SPTLC2: variants seen among roughly 807,000 people sequenced by gnomAD.
The protein encoded by SPTLC2 is serine palmitoyltransferase long chain base subunit 2.
In SPTLC2, 21 loss-of-function variants were observed where a neutral mutation model predicts 62.0. The ratio of observed to expected loss-of-function variants is 0.34; its 90% confidence interval spans 0.24 to 0.49. The LOEUF is 0.49. Ranked by LOEUF, SPTLC2 falls within the 20% of genes least tolerant of loss-of-function variation. The pLI, the probability that SPTLC2 is intolerant of heterozygous loss-of-function variation, is 0.99. For missense variants in SPTLC2, 511 were observed against 713.0 expected, an observed-to-expected ratio of 0.72 and a Z score of 3.23; for synonymous variants, 261 against 261.8, an observed-to-expected ratio of 1.00 and a Z score of 0.03.
intron 2 of SPTLC2, among the ~76,000 whole-genome samples, chr14:77,579,760 ATC>A (rs1031824233): frequency 5.3e-5 from 8 of 152,156 alleles, no homozygotes; most frequent in Admixed American, 2.0e-4. Context: ...ACCCTGATGT[ATC>A]AGGAAAACAT....
At chr14:77,564,365 AAT>A (rs1170953943) in intron 5 of SPTLC2, among the ~76,000 whole-genome samples, 7 of 150,480 alleles carry the variant, frequency 4.7e-5, no homozygotes, top group Non-Finnish European at 4.4e-5. Context: ...CGGCAGTATC[AAT>A]AGACTCCTGG....
chr14:77,550,985 G>A (rs557768528), intron 9 of SPTLC2, among the ~76,000 whole-genome samples: 6 of 151,156 alleles, frequency 4.0e-5, no homozygotes, highest in Non-Finnish European at 8.8e-5. Flanking sequence ...CACTTTATTC[G>A]ATGCAAGCCA....
intron 9 of SPTLC2, among the ~76,000 whole-genome samples, chr14:77,544,666 T>C (rs2079518620): frequency 6.6e-6 from 1 of 152,200 alleles, no homozygotes; most frequent in South Asian, 2.1e-4. Flanking sequence ...AATGAGGTCA[T>C]TCTGAACCTG....
intron 5 of SPTLC2, 144 bp downstream of exon 5, chr14:77,570,240 A>AAT: frequency 1.9e-6 from 2 of 1,074,534 alleles, no homozygotes; most frequent in Non-Finnish European, 2.6e-6. Flanking sequence ...AAAAAAAAAA[A>AAT]GAAAAACAAT....
intron 11 of SPTLC2, among the ~76,000 whole-genome samples, chr14:77,515,642 C>A (rs2079355246): frequency 6.7e-6 from 1 of 150,350 alleles, no homozygotes. Context: ...CTCCGCCTCC[C>A]AGATTCAAGT....
At chr14:77,531,497 C>T (rs1594973689) in intron 9 of SPTLC2, among the ~76,000 whole-genome samples, 1 of 108,440 alleles carries the variant, frequency 9.2e-6, no homozygotes, top group South Asian at 3.7e-4. Flanking sequence ...TCCTCCTCCT[C>T]CTCCTCCTCC....
chr14:77,610,283 A>G (rs974006875), intron 1 of SPTLC2, among the ~76,000 whole-genome samples: 2 of 152,084 alleles, frequency 1.3e-5, no homozygotes, highest in Non-Finnish European at 1.5e-5. Context: ...CTGGGATTAT[A>G]GGCACACACC....
rs188274590 is a variant in SPTLC2 at position 77,521,759 on chromosome 14, T to C, written c.1304-178A>G. ...GAATATAAATGTAAAATGTCTCATT[T>C]TGTATTCTGTCATTCTACCTGTTAA... is the stretch of plus-strand genomic sequence containing the variant. On this transcript the variant is annotated intron_variant, in intron 9 of 11. Coordinates refer to ENST00000216484, the MANE Select transcript of SPTLC2 (RefSeq NM_004863.4). 9.7e-4 allele frequency: 639 copies of C among 661,230 alleles called. 1 individual carries two copies. Among genetic ancestry groups the C allele is most frequent in the Admixed American group, 1.5e-3 (62 of 40,526 alleles). The allele number at this position is 661,230 out of a possible 1,614,324, so 41.0% of individuals were successfully genotyped here.
rs116670813 is a variant in SPTLC2 at position 77,556,958 on chromosome 14, T to C, written c.956+83A>G. On this transcript the variant is annotated intron_variant, in intron 7 of 11. Coordinates refer to ENST00000216484, the MANE Select transcript of SPTLC2 (RefSeq NM_004863.4). ...TGTCTCCTTAGTTTCCAGAGGGGGA[T>C]AGACTAATGTTCCCTTCAGTTAAAA... 1.6e-3 allele frequency: 1,755 copies of C among 1,077,622 alleles called. 15 individuals are homozygous for C. In the African/African-American group the frequency reaches 0.023, roughly 14 times the overall value. The allele number at this position is 1,077,622 out of a possible 1,614,324, so 66.8% of individuals were successfully genotyped here.
chr14:77,531,349 G>A (rs140787165), intron 9 of SPTLC2, among the ~76,000 whole-genome samples: 1 of 152,132 alleles, frequency 6.6e-6, no homozygotes, highest in Non-Finnish European at 1.5e-5. Flanking sequence ...TTCTCAGGAA[G>A]ATGGTACTCT....
rs146066422 is a variant in SPTLC2, at chr14:77,576,779, G to T, written c.619C>A (p.Arg207=). Residue 207 remains arginine (R), a synonymous_variant, in exon 4 of 12, where the codon CGG becomes AGG. Coordinates refer to ENST00000216484, the MANE Select transcript of SPTLC2 (RefSeq NM_004863.4). ...EEYGAGVCST[R]QEIGNLDKHE... ...AGCTTTCACTTACCAATTTCCTGCC[G>T]AGTACTGCACACTCCAGCTCCATAC... 39 of 1,614,082 alleles carry T rather than the reference G, an allele frequency of 2.4e-5. No homozygotes were observed. Among genetic ancestry groups the T allele is most frequent in the Non-Finnish European group, 3.1e-5 (36 of 1,180,008 alleles).
chr14:77,590,729 T>C (rs1024221547), intron 2 of SPTLC2, among the ~76,000 whole-genome samples: 7 of 151,470 alleles, frequency 4.6e-5, no homozygotes, highest in African/African-American at 1.7e-4. Flanking sequence ...TAAAAATAAA[T>C]AAAAATAAAA....
chr14:77,612,749 C>G (rs2079944729), intron 1 of SPTLC2, among the ~76,000 whole-genome samples: 1 of 152,180 alleles, frequency 6.6e-6, no homozygotes, highest in Admixed American at 6.5e-5. Context: ...TTGCCTCCTC[C>G]TAAGAAGCAA....
At chr14:77,615,360 C>A (rs1168559463) in intron 1 of SPTLC2, among the ~76,000 whole-genome samples, 1 of 152,202 alleles carries the variant, frequency 6.6e-6, no homozygotes, top group Non-Finnish European at 1.5e-5. Flanking sequence ...CAGTAACAGA[C>A]CTATCCATCA....
intron 5 of SPTLC2, among the ~76,000 whole-genome samples, chr14:77,566,451 C>A (rs2140030236): frequency 6.6e-6 from 1 of 152,290 alleles, no homozygotes; most frequent in East Asian, 1.9e-4. Flanking sequence ...AGTTTAGAAT[C>A]TTGCTCAAGG....
At chr14:77,595,274 A>C (rs1048831006) in intron 2 of SPTLC2, among the ~76,000 whole-genome samples, 1 of 152,106 alleles carries the variant, frequency 6.6e-6, no homozygotes, top group Non-Finnish European at 1.5e-5. Flanking sequence ...CTGAGGCATG[A>C]GAATTGCTTG....
intron 2 of SPTLC2, among the ~76,000 whole-genome samples, chr14:77,591,078 A>G (rs1249742572): frequency 6.6e-6 from 1 of 152,254 alleles, no homozygotes; most frequent in Non-Finnish European, 1.5e-5. Context: ...TTTACCAGTG[A>G]GAAATCCCTA....
intron 5 of SPTLC2, among the ~76,000 whole-genome samples, chr14:77,565,738 C>A (rs1309398658): frequency 2.6e-5 from 4 of 152,166 alleles, no homozygotes; most frequent in African/African-American, 9.7e-5. Flanking sequence ...TCACCTGGAT[C>A]CTGAAGCGGA....
chr14:77,529,620 C>CTTTTTTTTTTTTTTTTTTTTTTT (rs71452856), intron 9 of SPTLC2, among the ~76,000 whole-genome samples: 3 of 76,056 alleles, frequency 3.9e-5, no homozygotes, highest in Non-Finnish European at 8.1e-5. Flanking sequence ...TTCTTTCTTT[C>CTTTTTTTTTTTTTTTTTTTTTTT]TTTTTTTTTT....
Sources: allele counts gnomAD v4.1 joint callset (sites outside exome capture counted in the v4.1 genomes callset), GRCh38; gene constraint gnomAD v4.1.1; transcripts MANE v1.5; gene names NCBI Gene and HGNC (gene_info 2026-07-23, HGNC 2026-07-21).